Variants in SUSD3 observed in about 807,000 individuals in gnomAD.
SUSD3 encodes sushi domain-containing protein 3.
SUSD3 carries 18 observed loss-of-function variants against 20.6 expected under a neutral mutation model. The observed-to-expected ratio is 0.87, with a 90% CI of 0.60 to 1.30. The LOEUF (loss-of-function observed/expected upper bound fraction) is 1.30. SUSD3 is among the 50% of genes most tolerant of loss of function. SUSD3 has a pLI of 0.00. For missense variants in SUSD3, 306 were observed against 346.9 expected (o/e 0.88, Z 0.94); for synonymous variants, 137 against 141.5 (o/e 0.97, Z 0.23).
In SUSD3 at chr9:93,079,336, G is replaced by A. The variant is rs1826305557; in HGVS notation, c.426-135G>A. ...TCTCACCACACCAAAAACATCCACT[G>A]CCCAGCTCTTTGAGAGGTTTGCCAG... On this transcript the variant is annotated intron_variant, in intron 3 of 4. Coordinates refer to ENST00000375472, the MANE Select transcript of SUSD3 (RefSeq NM_145006.4). The A allele has an allele frequency of 5.4e-6, 5 of 933,974 alleles. No homozygotes were observed. The African/African-American group carries it at 6.7e-5, about 12-fold the overall frequency. 57.9% of individuals were successfully genotyped at this position (933,974 alleles called of 1,614,324 possible).
rs368315543 is a variant in SUSD3 at position 93,064,979 on chromosome 9, G to A, written c.88+6149G>A. 2.6e-5 allele frequency among the ~76,000 whole-genome samples: 4 copies of A among 152,332 alleles called. No individual in the cohort carries two copies. In the East Asian group the frequency reaches 5.8e-4, roughly 22 times the overall value. Reference sequence around the variant, plus strand: ...TGAGAGAAAGCTATGTCCCCGCGGTGACACACAGTCTCAGTAGAATAAGTC... The same window carrying A: ...TGAGAGAAAGCTATGTCCCCGCGGTAACACACAGTCTCAGTAGAATAAGTC... On this transcript the variant is annotated intron_variant, in intron 1 of 4. Coordinates refer to ENST00000375472, the MANE Select transcript of SUSD3 (RefSeq NM_145006.4).
intron 1 of SUSD3, 38 bp from the exon 2 acceptor site, chr9:93,075,746 C>CT (rs765256121): frequency 5.4e-6 from 1 of 184,998 alleles, no homozygotes; most frequent in East Asian, 1.9e-4. Context: ...GCCCACCCCC[C>CT]CCCCCCCGCC....
chr9:93,077,817 C>T, intron 2 of SUSD3, 29 bp from the exon 3 acceptor site: 2 of 1,613,480 alleles, frequency 1.2e-6, no homozygotes, highest in Non-Finnish European at 1.7e-6. Flanking sequence ...CAAACCTCGC[C>T]CAGGAGCTGG....
At chr9:93,065,917 T>A (rs1289466778) in intron 1 of SUSD3, among the ~76,000 whole-genome samples, 6 of 152,220 alleles carry the variant, frequency 3.9e-5, no homozygotes, top group African/African-American at 1.4e-4. Flanking sequence ...GGGAGCTAGG[T>A]GACCCAAGGC....
chr9:93,078,966 A>AT (rs1358117455), intron 3 of SUSD3, among the ~76,000 whole-genome samples: 7 of 150,606 alleles, frequency 4.6e-5, no homozygotes, highest in Admixed American at 2.7e-4. Context: ...TGCTCAGCTA[A>AT]TTTTTTTTTG....
chr9:93,066,809 A>C (rs1009786899), intron 1 of SUSD3, among the ~76,000 whole-genome samples: 4 of 151,832 alleles, frequency 2.6e-5, no homozygotes, highest in Non-Finnish European at 5.9e-5. Flanking sequence ...CCCGGGTTCA[A>C]GCGATTCCCC....
intron 2 of SUSD3, among the ~76,000 whole-genome samples, 157 bp downstream of exon 2, chr9:93,076,129 A>G (rs1245125956): frequency 6.6e-6 from 1 of 152,118 alleles, no homozygotes; most frequent in African/African-American, 2.4e-5. Flanking sequence ...GCTTGCTTAC[A>G]TGTCAGCAGC....
chr9:93,063,689 G>T (rs1305784049), intron 1 of SUSD3, among the ~76,000 whole-genome samples: 1 of 152,148 alleles, frequency 6.6e-6, no homozygotes, highest in East Asian at 1.9e-4. Context: ...TGAGCCTTGA[G>T]CAAGGACTCA....
chr9:93,068,601 G>A (rs529021584), intron 1 of SUSD3, among the ~76,000 whole-genome samples: 7 of 152,208 alleles, frequency 4.6e-5, no homozygotes, highest in Non-Finnish European at 8.8e-5. Context: ...ATTGGCAAGT[G>A]TGAACTCTCC....
chr9:93,069,650 A>G (rs1260706723), intron 1 of SUSD3, among the ~76,000 whole-genome samples: 1 of 152,198 alleles, frequency 6.6e-6, no homozygotes, highest in Non-Finnish European at 1.5e-5. Flanking sequence ...TGACTTCTGT[A>G]TGTTGACCTG....
At chr9:93,083,954 C>A (rs1826529009) in intron 4 of SUSD3, among the ~76,000 whole-genome samples, 1 of 149,682 alleles carries the variant, frequency 6.7e-6, no homozygotes, top group Non-Finnish European at 1.5e-5. Flanking sequence ...AGGCAGCCCA[C>A]ATGGAGCAGA....
rs753066803 is a variant in SUSD3 at position 93,075,949 on chromosome 9, C to T, written c.254C>T (p.Ser85Phe). ...TGGAAGGGGAGCATCGCTGAGTGGT[C>T]TTCAGGGTCCCCAGTGTGCAAACGT... ...CTWKGSIAEWSSGSPVCKLVP... is the reference protein window; with the variant it reads ...CTWKGSIAEWFSGSPVCKLVP... The change falls in exon 2 of 5, where the codon TCT becomes TTT. Residue 85 changes from serine (S) to phenylalanine (F), a missense_variant. Ser to Phe is a radical substitution (Grantham distance 155). Coordinates refer to ENST00000375472, the MANE Select transcript of SUSD3 (RefSeq NM_145006.4). The T allele has an allele frequency of 6.2e-7, 1 of 1,608,626 alleles. No homozygotes were observed. Among genetic ancestry groups the T allele is most frequent in the Non-Finnish European group, 8.5e-7 (1 of 1,176,394 alleles).
chr9:93,065,831 G>A (rs1293630317), intron 1 of SUSD3, among the ~76,000 whole-genome samples: 1 of 152,228 alleles, frequency 6.6e-6, no homozygotes, highest in Non-Finnish European at 1.5e-5. Context: ...CTGCACTGAT[G>A]TCTCCAGATA....
chr9:93,074,047 T>C (rs1448328486), intron 1 of SUSD3, among the ~76,000 whole-genome samples: 1 of 152,156 alleles, frequency 6.6e-6, no homozygotes. Context: ...GCAGGTGCAA[T>C]GGCATCCAGC....
In SUSD3 at chr9:93,075,908, G is replaced by T. The variant is rs1322419492; in HGVS notation, c.213G>T (p.Gly71=). Residue 71 remains glycine, a synonymous_variant, in exon 2 of 5, where the codon GGG becomes GGT. Transcript: ENST00000375472. Reference sequence around the variant, plus strand: ...CCAACCACCAGATGGTGGGGTCTGGGCTCCTCACCTGCACCTGGAAGGGGA... The same window carrying T: ...CCAACCACCAGATGGTGGGGTCTGGTCTCCTCACCTGCACCTGGAAGGGGA... ...CPSNHQMVGS[G]LLTCTWKGSI... 2 of 1,613,828 alleles carry T rather than the reference G, an allele frequency of 1.2e-6. No homozygotes were observed. Among genetic ancestry groups the T allele is most frequent in the East Asian group, 2.2e-5 (1 of 44,884 alleles).
At chr9:93,082,886 G>A (rs1385188713) in intron 4 of SUSD3, among the ~76,000 whole-genome samples, 1 of 152,226 alleles carries the variant, frequency 6.6e-6, no homozygotes, top group Non-Finnish European at 1.5e-5. Flanking sequence ...GGCTTTGCTG[G>A]CCAGAGCATG....
At chr9:93,059,975 G>C (rs923834256) in intron 1 of SUSD3, among the ~76,000 whole-genome samples, 1 of 152,218 alleles carries the variant, frequency 6.6e-6, no homozygotes, top group Non-Finnish European at 1.5e-5. Context: ...TTTGAGCAAG[G>C]CCTGCCCAGG....
Position 93,077,859 on chromosome 9 carries a change from C to T in SUSD3, c.291C>T (p.His97=), listed in dbSNP as rs780264959. ...GSPVCKLVPP[H]ETFGFKVAVI... is the part of the protein sequence containing the mutation. ...TCTCCCACACAGTGGTGCCACCACA[C>T]GAGACCTTTGGCTTCAAGGTGGCCG... The change falls in exon 3 of 5, where the codon CAC becomes CAT. Residue 97 remains histidine (H), a synonymous_variant. Coordinates refer to ENST00000375472, the MANE Select transcript of SUSD3 (RefSeq NM_145006.4). 10 of 1,614,098 alleles carry T rather than the reference C, an allele frequency of 6.2e-6. No homozygotes were observed. In the African/African-American group the frequency reaches 6.7e-5, roughly 11 times the overall value.
At chr9:93,063,186 T>C (rs1182379305) in intron 1 of SUSD3, among the ~76,000 whole-genome samples, 3 of 152,132 alleles carry the variant, frequency 2.0e-5, no homozygotes, top group Non-Finnish European at 2.9e-5. Flanking sequence ...GCTGCAGACC[T>C]TGGGGATCAA....
Sources: allele counts gnomAD v4.1 joint callset (sites outside exome capture counted in the v4.1 genomes callset), GRCh38; gene constraint gnomAD v4.1.1; transcripts MANE v1.5; gene names NCBI Gene and HGNC (gene_info 2026-07-23, HGNC 2026-07-21).